The following ZNF846 variants were observed in gnomAD, a reference collection of about 807,000 sequenced individuals.
ZNF846 encodes zinc finger protein 420 pseudogene.
A neutral mutation model predicts 16.0 loss-of-function variants in ZNF846; 15 were observed. That is an observed-to-expected ratio of 0.94 (90% CI 0.63 to 1.45). The LOEUF is 1.45. Ranked by LOEUF, ZNF846 falls within the 40% of genes most tolerant of loss-of-function variation. The pLI is 0.00. For synonymous variants in ZNF846, 229 were observed against 212.0 expected (o/e 1.08, Z -0.70); for missense variants, 714 against 622.3 (o/e 1.15, Z -1.57).
intron 1 of ZNF846, among the ~76,000 whole-genome samples, chr19:9,779,503 G>A (rs2045479298): frequency 6.6e-6 from 1 of 151,070 alleles, no homozygotes; most frequent in African/African-American, 2.4e-5. Flanking sequence ...CCCGACCTCA[G>A]GTGATCTGTC....
At chr19:9,757,639 A>G (rs1431157027) in exon 6 of ZNF846, 3 of 1,613,638 alleles carry the variant, frequency 1.9e-6, no homozygotes, top group Non-Finnish European at 2.5e-6. Context: ...CATTCTTTAC[A>G]TGCATAAGGC....
intron 1 of ZNF846, chr19:9,774,728 A>T: frequency 1.9e-6 from 3 of 1,544,952 alleles, no homozygotes; most frequent in Non-Finnish European, 2.7e-6. Context: ...CTATCACCCA[A>T]ATATCGACGA....
chr19:9,758,109 G>A (rs2045161858), exon 6 of ZNF846: 2 of 1,613,494 alleles, frequency 1.2e-6, no homozygotes, highest in South Asian at 2.2e-5. Flanking sequence ...AATAAGTCCT[G>A]TGGATCTAGT....
upstream of ZNF846, among the ~76,000 whole-genome samples, chr19:9,771,259 C>A (rs1383210581): frequency 3.3e-5 from 5 of 152,008 alleles, no homozygotes; most frequent in Admixed American, 2.6e-4. Flanking sequence ...ATCTTGGCAA[C>A]CTCCGCCTCC....
chr19:9,756,914 T>C (rs2045142140), downstream of ZNF846: 1 of 151,256 alleles, frequency 6.6e-6, no homozygotes, highest in Non-Finnish European at 1.5e-5. Flanking sequence ...ATAAACAATA[T>C]GCTGGGTGTG....
chr19:9,767,706 G>A (rs541660062), intron 1 of ZNF846, among the ~76,000 whole-genome samples: 35 of 152,252 alleles, frequency 2.3e-4, no homozygotes, highest in African/African-American at 8.2e-4. Context: ...GGAGTCCGAG[G>A]AGGGTGGATC....
In ZNF846 at chr19:9,757,938, C is replaced by A. The variant is rs1157992328; in HGVS notation, c.1139G>T (p.Gly380Val). Residue 380 changes from glycine (G) to valine (V), a missense_variant, in exon 6 of 6, where the codon GGA (glycine) becomes GTA (valine). Transcript: ENST00000397902. ...ATGTGTTCTCATGTGTAAAACAAGT[C>A]CTGAGGAACGAGTAAAAGCTTTCCC... 3 of 1,613,460 alleles carry A rather than the reference C, an allele frequency of 1.9e-6. No homozygotes were observed. The Admixed American group carries it at 5.0e-5, about 27-fold the overall frequency.
At chr19:9,771,458 G>A (rs148337048), upstream of ZNF846, among the ~76,000 whole-genome samples, 573 of 152,292 alleles carry the variant, frequency 3.8e-3, no homozygotes, top group Admixed American at 7.6e-3. Flanking sequence ...GATAACAGGC[G>A]TGAGCCACTG....
At chr19:9,776,334 C>T (rs1046273707) in intron 1 of ZNF846, among the ~76,000 whole-genome samples, 3 of 145,470 alleles carry the variant, frequency 2.1e-5, no homozygotes, top group Admixed American at 6.8e-5. Flanking sequence ...GGTCACACTC[C>T]TAGTCCGCCT....
chr19:9,756,607 C>T (rs1161321852), downstream of ZNF846: 2 of 151,070 alleles, frequency 1.3e-5, no homozygotes, highest in African/African-American at 4.9e-5. Flanking sequence ...TGAAGGCTGT[C>T]CCAGATTTCT....
chr19:9,785,139 T>C (rs2045544617), intron 1 of ZNF846, among the ~76,000 whole-genome samples: 1 of 151,672 alleles, frequency 6.6e-6, no homozygotes, highest in African/African-American at 2.4e-5. Flanking sequence ...AGCCTCACAA[T>C]ACCCCGGCCC....
At position 9,757,825 on chromosome 19, in the gene ZNF846, C is replaced by T. The variant is rs78118057; in HGVS notation, c.1252G>A (p.Gly418Arg). 1,209 of 1,613,456 alleles carry T rather than the reference C, an allele frequency of 7.5e-4. 3 individuals carry two copies. The highest frequency in any genetic ancestry group is 5.9e-3 in the Middle Eastern group (36 of 6,060). The change falls in exon 6 of 6, where the codon GGA becomes AGA. Residue 418 changes from glycine (G) to arginine (R), a missense_variant. Gly to Arg is a moderately radical substitution (Grantham distance 125). Coordinates refer to ENST00000397902, the Ensembl canonical transcript of ZNF846. ...TCTTTGCATTCATATGGCTTCTCTC[C>T]AGTGTGAATCCTTACATGTTGACTA...
rs372367335 is a variant in ZNF846, at chr19:9,765,542, G to A, written c.-85-507C>T. Among the ~76,000 whole-genome samples the A allele has an allele frequency of 2.2e-4, 34 of 152,130 alleles. No individual in the cohort carries two copies. In the East Asian group the frequency reaches 3.5e-3, roughly 16 times the overall value. Reference sequence around the variant, plus strand: ...AAAAAAATTAGCTGGGCATGGCGGCGTGTGCCTGTAGTCCCAGCAGCTGGG... The same window carrying A: ...AAAAAAATTAGCTGGGCATGGCGGCATGTGCCTGTAGTCCCAGCAGCTGGG... On this transcript the variant is annotated intron_variant, in intron 1 of 5. Coordinates refer to ENST00000397902, the Ensembl canonical transcript of ZNF846.
At chr19:9,779,457 AG>A (rs2045479046) in intron 1 of ZNF846, among the ~76,000 whole-genome samples, 2 of 151,722 alleles carry the variant, frequency 1.3e-5, no homozygotes, top group Admixed American at 6.6e-5. Context: ...TAGTAGAGAC[AG>A]GGTTTCTCCA....
At chr19:9,776,341 G>A (rs759923314) in intron 1 of ZNF846, among the ~76,000 whole-genome samples, 4 of 143,914 alleles carry the variant, frequency 2.8e-5, no homozygotes, top group Non-Finnish European at 4.5e-5. Context: ...CTCCTAGTCC[G>A]CCTTCATGTT....
At chr19:9,761,582 G>A (rs1202599223) in intron 4 of ZNF846, among the ~76,000 whole-genome samples, 1 of 151,746 alleles carries the variant, frequency 6.6e-6, no homozygotes, top group African/African-American at 2.4e-5. Flanking sequence ...GTGGTGTCAG[G>A]TGCCTGTAAT....
chr19:9,756,214 G>T (rs2045132373), downstream of ZNF846: 1 of 149,960 alleles, frequency 6.7e-6, no homozygotes, highest in South Asian at 2.1e-4. Flanking sequence ...CTTGTAAAAT[G>T]GATGCAACAT....
chr19:9,754,063 G>A (rs1239350710), downstream of ZNF846, among the ~76,000 whole-genome samples: 1 of 151,352 alleles, frequency 6.6e-6, no homozygotes, highest in Non-Finnish European at 1.5e-5. Context: ...AAGCTCTGAT[G>A]TTTGATACAT....
exon 6 of ZNF846, chr19:9,758,120 G>C (rs1431217492): frequency 2.5e-6 from 4 of 1,613,576 alleles, no homozygotes; most frequent in Middle Eastern, 1.6e-4. Context: ...TGGATCTAGT[G>C]AAGGCTTTTC....
Sources: allele counts gnomAD v4.1 joint callset (sites outside exome capture counted in the v4.1 genomes callset), GRCh38; gene constraint gnomAD v4.1.1; transcripts MANE v1.5; gene names NCBI Gene and HGNC (gene_info 2026-07-23, HGNC 2026-07-21).